Variants in MECOM observed in about 807,000 individuals in gnomAD.
MECOM encodes histone-lysine N-methyltransferase MECOM.
A neutral mutation model predicts 116.3 loss-of-function variants in MECOM; 13 were observed. That is an observed-to-expected ratio of 0.11 (90% CI 0.07 to 0.18). The LOEUF (loss-of-function observed/expected upper bound fraction) is 0.18. Among genes scored for constraint, MECOM ranks in the 10% least tolerant of loss-of-function variants. MECOM has a pLI of 1.00. For synonymous variants in MECOM, 528 were observed against 535.2 expected, an observed-to-expected ratio of 0.99 and a Z score of 0.19; for missense variants, 1,299 against 1,509.0, an observed-to-expected ratio of 0.86 and a Z score of 2.31.
intron 2 of MECOM, among the ~76,000 whole-genome samples, chr3:169,190,992 G>A (rs1036784672): frequency 4.6e-5 from 7 of 151,902 alleles, no homozygotes; most frequent in African/African-American, 1.5e-4. Flanking sequence ...CCATAGAAAG[G>A]CTGGCATTTG....
rs1228471748 is a variant in MECOM, at chr3:169,485,998, T to C, written c.38-104474A>G. On this transcript the variant is annotated intron_variant, in intron 1 of 16. Transcript: ENST00000651503. ...CATATATATATAGTATATATATGTA[T>C]ATATATACTATATATATATGTATAT... 1.5e-4 allele frequency among the ~76,000 whole-genome samples: 13 copies of C among 84,016 alleles called. 1 individual carries two copies. Among genetic ancestry groups the C allele is most frequent in the South Asian group, 4.1e-4 (1 of 2,430 alleles). 55.1% of individuals were successfully genotyped at this position (84,016 alleles called of 152,430 possible).
intron 1 of MECOM, among the ~76,000 whole-genome samples, chr3:169,465,910 A>T (rs1578175792): frequency 6.6e-6 from 1 of 152,302 alleles, no homozygotes; most frequent in Non-Finnish European, 1.5e-5. Context: ...TAAACTCTAC[A>T]TTTTACCTGA....
chr3:169,227,818 A>G (rs1577399726), intron 2 of MECOM, among the ~76,000 whole-genome samples: 1 of 152,326 alleles, frequency 6.6e-6, no homozygotes, highest in Admixed American at 6.5e-5. Flanking sequence ...CAGAAGTGGG[A>G]ATCAGCACAT....
chr3:169,426,031 T>A (rs1296457435), intron 1 of MECOM, among the ~76,000 whole-genome samples: 1 of 152,198 alleles, frequency 6.6e-6, no homozygotes, highest in East Asian at 1.9e-4. Flanking sequence ...TTCTTTGCTA[T>A]GTTTTGTATT....
intron 1 of MECOM, among the ~76,000 whole-genome samples, chr3:169,407,357 A>G (rs1028826984): frequency 6.6e-6 from 1 of 152,242 alleles, no homozygotes; most frequent in Non-Finnish European, 1.5e-5. Flanking sequence ...AGATTTACAC[A>G]CATATTATAT....
chr3:169,589,092 T>C lies in MECOM; in HGVS notation c.37+74244A>G, dbSNP rs116748124. On this transcript the variant is annotated intron_variant, in intron 1 of 16. Transcript: ENST00000651503. ...AGAAAATTCAGAAAGTAAACCCTAC[T>C]CAAATGGCTGTGTGGTAGCTTCTGA... 6.1e-3 allele frequency among the ~76,000 whole-genome samples: 928 copies of C among 152,262 alleles called. 16 individuals are homozygous for C. Among genetic ancestry groups the C allele is most frequent in the African/African-American group, 0.022 (898 of 41,558 alleles).
At chr3:169,509,967 T>C (rs1333584259) in intron 1 of MECOM, among the ~76,000 whole-genome samples, 8 of 152,218 alleles carry the variant, frequency 5.3e-5, no homozygotes, top group Admixed American at 5.2e-4. Context: ...CAGCAGATGC[T>C]CAAACAAATG....
intron 1 of MECOM, among the ~76,000 whole-genome samples, chr3:169,504,187 G>A (rs1754916159): frequency 7.0e-6 from 1 of 142,048 alleles, no homozygotes; most frequent in South Asian, 2.2e-4. Context: ...GTGTGTGTGT[G>A]TGTGTTTAAA....
At chr3:169,416,365 C>T (rs542336149) in intron 1 of MECOM, among the ~76,000 whole-genome samples, 2 of 152,116 alleles carry the variant, frequency 1.3e-5, no homozygotes, top group East Asian at 3.9e-4. Flanking sequence ...GCCTAGGATA[C>T]AGCTAAAGCA....
chr3:169,255,529 A>G (rs1192225032), intron 2 of MECOM, among the ~76,000 whole-genome samples: 1 of 152,094 alleles, frequency 6.6e-6, no homozygotes, highest in African/African-American at 2.4e-5. Flanking sequence ...GTTTCCTTCC[A>G]AAGTAAATAA....
At chr3:169,149,929 CTCTCTCTGTG>C (rs1280883508) in intron 2 of MECOM, among the ~76,000 whole-genome samples, 2 of 123,760 alleles carry the variant, frequency 1.6e-5, no homozygotes, top group African/African-American at 6.1e-5. Flanking sequence ...CTCTCTTTCT[CTCTCTCTGTG>C]TGTGTGTGTG....
intron 1 of MECOM, among the ~76,000 whole-genome samples, chr3:169,425,819 A>G (rs959437856): frequency 2.6e-5 from 4 of 152,218 alleles, no homozygotes; most frequent in African/African-American, 9.6e-5. Flanking sequence ...CAGTGCAGCC[A>G]TATGTTGAAG....
At chr3:169,212,378 G>A (rs1444037587) in intron 2 of MECOM, among the ~76,000 whole-genome samples, 2 of 150,958 alleles carry the variant, frequency 1.3e-5, no homozygotes, top group African/African-American at 4.9e-5. Context: ...GACCTGAATA[G>A]CTCTACCATA....
chr3:169,537,775 T>C (rs1009889630), intron 1 of MECOM, among the ~76,000 whole-genome samples: 2 of 152,056 alleles, frequency 1.3e-5, no homozygotes, highest in Non-Finnish European at 2.9e-5. Context: ...TGCCTTTTTC[T>C]TTTACTTTAA....
chr3:169,394,763 T>C (rs1409416636), intron 1 of MECOM, among the ~76,000 whole-genome samples: 1 of 152,210 alleles, frequency 6.6e-6, no homozygotes, highest in Non-Finnish European at 1.5e-5. Context: ...TATTTGGACA[T>C]AGTTAAGTCA....
chr3:169,661,284 CACCATCCCACT>C, intron 1 of MECOM, among the ~76,000 whole-genome samples: 1 of 150,792 alleles, frequency 6.6e-6, no homozygotes, highest in Non-Finnish European at 1.5e-5. Flanking sequence ...CACCCCCACC[CACCATCCCACT>C]CCCGCCAACT....
intron 12 of MECOM, among the ~76,000 whole-genome samples, chr3:169,098,885 T>C (rs556383590): frequency 2.6e-5 from 4 of 152,240 alleles, no homozygotes; most frequent in East Asian, 3.9e-4. Context: ...GCAAAGATAG[T>C]ACATAGTACC....
At chr3:169,174,382 A>C (rs959657372) in intron 2 of MECOM, among the ~76,000 whole-genome samples, 1 of 152,198 alleles carries the variant, frequency 6.6e-6, no homozygotes, top group Non-Finnish European at 1.5e-5. Context: ...TGTAATGGAC[A>C]AGAATGAATG....
intron 2 of MECOM, among the ~76,000 whole-genome samples, chr3:169,254,323 A>T (rs1476908053): frequency 2.0e-5 from 3 of 152,142 alleles, no homozygotes; most frequent in African/African-American, 7.2e-5. Context: ...AAACCTGAGA[A>T]CTGACTTTCA....
Sources: allele counts gnomAD v4.1 joint callset (sites outside exome capture counted in the v4.1 genomes callset), GRCh38; gene constraint gnomAD v4.1.1; transcripts MANE v1.5; gene names NCBI Gene and HGNC (gene_info 2026-07-23, HGNC 2026-07-21).